The following CDH6 variants were observed in gnomAD, a reference collection of about 807,000 sequenced individuals.
The protein encoded by CDH6 is cadherin-6.
Under a neutral mutation model 78.0 loss-of-function variants are expected in CDH6, and 31 were observed. That is an observed-to-expected ratio of 0.40 (90% CI 0.30 to 0.54). The LOEUF (loss-of-function observed/expected upper bound fraction) is 0.54, where lower values mean the gene tolerates loss of function less well. CDH6 is among the 20% of genes least tolerant of loss of function. CDH6 has a pLI of 0.56. For missense variants in CDH6, 724 were observed against 975.9 expected, an observed-to-expected ratio of 0.74 and a Z score of 3.44; for synonymous variants, 376 against 368.8, an observed-to-expected ratio of 1.02 and a Z score of -0.23.
chr5:31,239,054 G>T (rs1203244780), intron 1 of CDH6, among the ~76,000 whole-genome samples: 1 of 152,160 alleles, frequency 6.6e-6, no homozygotes, highest in African/African-American at 2.4e-5. Flanking sequence ...GCTGGTTAGG[G>T]CATCTATTTC....
At chr5:31,215,083 A>C (rs1740827310) in intron 1 of CDH6, among the ~76,000 whole-genome samples, 1 of 152,208 alleles carries the variant, frequency 6.6e-6, no homozygotes, top group South Asian at 2.1e-4. Flanking sequence ...TTAGAAGAAA[A>C]GTCCTTTAGT....
At chr5:31,238,666 T>A (rs1303996931) in intron 1 of CDH6, among the ~76,000 whole-genome samples, 2 of 152,228 alleles carry the variant, frequency 1.3e-5, no homozygotes, top group African/African-American at 2.4e-5. Flanking sequence ...AATAGTGAGA[T>A]ATTTTACTTT....
chr5:31,301,531 T>A (rs1737764315), intron 5 of CDH6, among the ~76,000 whole-genome samples: 1 of 152,184 alleles, frequency 6.6e-6, no homozygotes, highest in South Asian at 2.1e-4. Flanking sequence ...AATAATAAAA[T>A]TTAAGAGTCA....
intron 2 of CDH6, among the ~76,000 whole-genome samples, chr5:31,281,186 C>T (rs779247765): frequency 1.4e-4 from 21 of 152,052 alleles, no homozygotes; most frequent in Non-Finnish European, 2.6e-4. Context: ...TAGAAAAAGT[C>T]CATTTGCTAT....
intron 7 of CDH6, among the ~76,000 whole-genome samples, chr5:31,305,901 A>G (rs1489355356): frequency 1.3e-5 from 2 of 152,208 alleles, no homozygotes; most frequent in African/African-American, 4.8e-5. Flanking sequence ...CCACATTTGC[A>G]GAACCTGTGG....
intron 2 of CDH6, among the ~76,000 whole-genome samples, chr5:31,276,254 A>G (rs1579874477): frequency 6.6e-6 from 1 of 152,312 alleles, no homozygotes; most frequent in East Asian, 1.9e-4. Flanking sequence ...ATCAATACAT[A>G]AGTAAAAGTA....
chr5:31,313,600 T>C (rs565885347), intron 8 of CDH6, 146 bp downstream of exon 8: 3 of 689,324 alleles, frequency 4.4e-6, no homozygotes, highest in Admixed American at 5.3e-5. Context: ...TTTGCAGTAA[T>C]GTTTCTTCTA....
intron 1 of CDH6, among the ~76,000 whole-genome samples, chr5:31,199,465 TAC>T (rs1491341713): frequency 4.0e-3 from 16 of 4,016 alleles, no homozygotes; most frequent in East Asian, 0.053. Context: ...TGTGTATATA[TAC>T]ACACACATAT....
intron 2 of CDH6, among the ~76,000 whole-genome samples, chr5:31,283,760 A>G (rs539431040): frequency 2.0e-4 from 31 of 152,190 alleles, no homozygotes; most frequent in African/African-American, 2.7e-4. Flanking sequence ...AACAGGAGAT[A>G]TGAAGGCAGC....
intron 1 of CDH6, among the ~76,000 whole-genome samples, chr5:31,266,245 A>AT (rs1742350533): frequency 6.6e-6 from 1 of 152,110 alleles, no homozygotes; most frequent in Non-Finnish European, 1.5e-5. Flanking sequence ...GGCCACCAGG[A>AT]TTTTTTTAAT....
intron 1 of CDH6, among the ~76,000 whole-genome samples, chr5:31,263,521 G>A (rs1225301410): frequency 1.4e-5 from 2 of 145,634 alleles, no homozygotes; most frequent in African/African-American, 2.6e-5. Flanking sequence ...GACCTCAGGC[G>A]ATCCACCCAC....
intron 1 of CDH6, among the ~76,000 whole-genome samples, chr5:31,245,899 CTTTTTTTTTTTT>C (rs71612205): frequency 2.3e-5 from 2 of 87,668 alleles, no homozygotes; most frequent in Admixed American, 1.5e-4. Context: ...CTCTCTCTCT[CTTTTTTTTTTTT>C]TTTTTTTTTT....
chr5:31,234,143 C>G (rs988887978), intron 1 of CDH6, among the ~76,000 whole-genome samples: 10 of 152,014 alleles, frequency 6.6e-5, no homozygotes, highest in African/African-American at 1.9e-4. Context: ...AAATGTGTAG[C>G]CTCATAACAA....
chr5:31,302,908 A>AAAAAGAAAGAAAGAAAGAAAG, intron 6 of CDH6, among the ~76,000 whole-genome samples: 1 of 91,560 alleles, frequency 1.1e-5, no homozygotes, highest in African/African-American at 3.6e-5. Flanking sequence ...AGAAAAAAAG[A>AAAAAGAAAGAAAGAAAGAAAG]AAGAAAGAAA....
intron 1 of CDH6, among the ~76,000 whole-genome samples, chr5:31,232,152 T>C (rs193031798): frequency 1.5e-3 from 221 of 152,326 alleles, no homozygotes; most frequent in African/African-American, 5.1e-3. Context: ...TGACTTCATG[T>C]CTTAAGGCAA....
rs764269155 is a variant in CDH6 at position 31,323,017 on chromosome 5, C to T, written c.2082C>T (p.Pro694=). The T allele has an allele frequency of 8.7e-6, 14 of 1,614,002 alleles. No individual in the cohort carries two copies. The highest frequency in any genetic ancestry group is 3.3e-5 in the South Asian group (3 of 91,082). Residue 694 remains proline, a synonymous_variant, in exon 12 of 12, where the codon CCC becomes CCT. Coordinates refer to ENST00000265071, the MANE Select transcript of CDH6 (RefSeq NM_004932.4). Reference sequence around the variant, plus strand: ...ACAAATTACGAAGGGACATTGTGCCCGAAGCCCTTTTCCTACCCCGACGGA... The same window carrying T: ...ACAAATTACGAAGGGACATTGTGCCTGAAGCCCTTTTCCTACCCCGACGGA... ...EDNKLRRDIV[P]EALFLPRRTP... is the part of the protein sequence containing the mutation.
chr5:31,201,753 T>C lies in CDH6; in HGVS notation c.-129+7867T>C, dbSNP rs139055908. 1.3e-3 allele frequency among the ~76,000 whole-genome samples: 199 copies of C among 152,308 alleles called. 1 individual carries two copies. The highest frequency in any genetic ancestry group is 2.0e-3 in the Non-Finnish European group (139 of 68,024). ...AAATGATTGACCTGGTTCTCTTCCT[T>C]CTTATCTGGATGAACAAAAAGTAAA... On this transcript the variant is annotated intron_variant, in intron 1 of 11. Transcript: ENST00000265071.
At chr5:31,214,076 C>T (rs1480480771) in intron 1 of CDH6, among the ~76,000 whole-genome samples, 1 of 148,678 alleles carries the variant, frequency 6.7e-6, no homozygotes, top group South Asian at 2.1e-4. Context: ...TGTGTTGAAA[C>T]GGCAATGATT....
At chr5:31,266,267 T>C (rs533194234) in intron 1 of CDH6, among the ~76,000 whole-genome samples, 2 of 152,278 alleles carry the variant, frequency 1.3e-5, no homozygotes, top group African/African-American at 4.8e-5. Flanking sequence ...GTAGATTGTG[T>C]TTTTGAAAAT....
Sources: allele counts gnomAD v4.1 joint callset (sites outside exome capture counted in the v4.1 genomes callset), GRCh38; gene constraint gnomAD v4.1.1; transcripts MANE v1.5; gene names NCBI Gene and HGNC (gene_info 2026-07-23, HGNC 2026-07-21).